WDFY4: variants seen among roughly 807,000 people sequenced by gnomAD.
WDFY4 encodes the protein WDFY family member 4, also known as WD repeat- and FYVE domain-containing protein 4.
Under a neutral mutation model 351.9 loss-of-function variants are expected in WDFY4, and 169 were observed. The ratio of observed to expected loss-of-function variants is 0.48; its 90% CI spans 0.42 to 0.55. The LOEUF is 0.55. Ranked by LOEUF, WDFY4 falls within the 20% of genes least tolerant of loss-of-function variation. The pLI, the probability that WDFY4 is intolerant of heterozygous loss-of-function variation, is 0.00. For synonymous variants in WDFY4, 1,622 were observed against 1,574.6 expected (o/e 1.03, Z -0.71); for missense variants, 3,803 against 3,935.6 (o/e 0.97, Z 0.90).
chr10:48,812,249 G>A (rs1431379621), intron 30 of WDFY4, among the ~76,000 whole-genome samples: 3 of 147,542 alleles, frequency 2.0e-5, no homozygotes, highest in Non-Finnish European at 4.4e-5. Flanking sequence ...GAGTGCAGTG[G>A]CGTGATCTCG....
intron 39 of WDFY4, among the ~76,000 whole-genome samples, chr10:48,859,662 C>T (rs952250500): frequency 1.3e-5 from 2 of 152,140 alleles, no homozygotes; most frequent in Non-Finnish European, 2.9e-5. Context: ...AAATAGTTTT[C>T]TCTTTTTTCG....
chr10:48,849,038 T>C (rs1458326798), intron 39 of WDFY4, among the ~76,000 whole-genome samples: 1 of 152,136 alleles, frequency 6.6e-6, no homozygotes, highest in Non-Finnish European at 1.5e-5. Flanking sequence ...CTGCCCTCCA[T>C]GCATGGGGGA....
intron 40 of WDFY4, among the ~76,000 whole-genome samples, chr10:48,869,092 G>T (rs994425975): frequency 6.6e-6 from 1 of 152,234 alleles, no homozygotes; most frequent in African/African-American, 2.4e-5. Context: ...ATTTAAGTCA[G>T]GTTGTTTTGA....
intron 59 of WDFY4, among the ~76,000 whole-genome samples, 200 bp from the exon 60 acceptor site, chr10:48,978,109 A>G (rs1033754207): frequency 4.6e-5 from 7 of 152,182 alleles, no homozygotes; most frequent in Non-Finnish European, 1.0e-4. Context: ...TGCAACTGTG[A>G]TTGGCCAAAC....
chr10:48,908,983 A>C (rs1444321248), intron 47 of WDFY4, among the ~76,000 whole-genome samples: 1 of 152,076 alleles, frequency 6.6e-6, no homozygotes, highest in Non-Finnish European at 1.5e-5. Context: ...TTATTTTTTC[A>C]TTTACAGACT....
At chr10:48,731,583 A>T (rs2064461882) in intron 9 of WDFY4, 21 bp downstream of exon 9, 1 of 1,540,288 alleles carries the variant, frequency 6.5e-7, no homozygotes, top group Non-Finnish European at 8.7e-7. Flanking sequence ...GTGCATTGGG[A>T]GGGATGGGCA....
chr10:48,945,935 C>A, intron 49 of WDFY4, 105 bp from the exon 50 acceptor site: 2 of 785,498 alleles, frequency 2.5e-6, no homozygotes, highest in Non-Finnish European at 3.9e-6. Context: ...CAGGTCAGAC[C>A]AAATGACTGT....
rs181821593 is a variant in WDFY4, at chr10:48,734,007, A to T, written c.1659A>T (p.Thr553=). 6.4e-7 allele frequency: 1 copy of T among 1,552,042 alleles called. No homozygotes were observed. The highest frequency in any genetic ancestry group is 2.4e-5 in the East Asian group (1 of 40,914). Residue 553 remains threonine, a synonymous_variant, in exon 10 of 62, where the codon ACA becomes ACT. Coordinates refer to ENST00000325239, the MANE Select transcript of WDFY4 (RefSeq NM_001394531.1). ...GTGTGATGCTGAGGATTGTAGTCAC[A>T]CTTCTGAAAGGCTCGGTGAGGAATG... ...LTCVMLRIVV[T]LLKGSVRNAV... is the part of the protein sequence containing the mutation.
chr10:48,958,044 G>C (rs1160417987), intron 52 of WDFY4, among the ~76,000 whole-genome samples: 1 of 152,174 alleles, frequency 6.6e-6, no homozygotes, highest in African/African-American at 2.4e-5. Flanking sequence ...TCGGGCTCTA[G>C]AGCCCCCCCT....
chr10:48,812,390 A>C (rs2067484557), intron 30 of WDFY4, among the ~76,000 whole-genome samples: 1 of 151,804 alleles, frequency 6.6e-6, no homozygotes, highest in South Asian at 2.1e-4. Flanking sequence ...GGGATTTTCC[A>C]AGTTGGCCAG....
At chr10:48,901,894 T>C in intron 47 of WDFY4, 31 bp downstream of exon 47, 1 of 1,541,704 alleles carries the variant, frequency 6.5e-7, no homozygotes, top group Non-Finnish European at 8.8e-7. Context: ...TGTCTGGGCA[T>C]GGCACTGCCC....
Position 48,721,347 on chromosome 10 carries a change from G to A in WDFY4, c.436G>A (p.Val146Met), listed in dbSNP as rs372272087. ...DGYLLLKSVY[V>M]LTGTDSETLG... is the part of the protein sequence containing the mutation. Reference sequence around the variant, plus strand: ...CTACTTGCTCCTGAAGTCAGTGTACGTGCTCACGGGGACAGACTCGGTAAG... The same window carrying A: ...CTACTTGCTCCTGAAGTCAGTGTACATGCTCACGGGGACAGACTCGGTAAG... The change falls in exon 4 of 62, where the codon GTG becomes ATG. Residue 146 changes from valine (V) to methionine (M), a missense_variant. Coordinates refer to ENST00000325239, the MANE Select transcript of WDFY4 (RefSeq NM_001394531.1). 7.0e-4 allele frequency: 1,087 copies of A among 1,551,550 alleles called. No individual in the cohort carries two copies. Among genetic ancestry groups the A allele is most frequent in the Non-Finnish European group, 8.9e-4 (1,022 of 1,146,970 alleles).
chr10:48,863,596 G>A (rs1390848204), intron 39 of WDFY4, among the ~76,000 whole-genome samples: 1 of 151,968 alleles, frequency 6.6e-6, no homozygotes, highest in African/African-American at 2.4e-5. Flanking sequence ...TTCTAGATAT[G>A]AGTCCCTTAT....
Position 48,830,755 on chromosome 10 carries a change from A to G in WDFY4, c.6396A>G (p.Gln2132=), listed in dbSNP as rs3747874. The change falls in exon 38 of 62, where the codon CAA becomes CAG. Residue 2132 remains glutamine (Q), a synonymous_variant. Coordinates refer to ENST00000325239, the MANE Select transcript of WDFY4 (RefSeq NM_001394531.1). ...VQTLWQQLVA[Q]RQQTLEDAFK... Reference sequence around the variant, plus strand: ...CTCTCTGGCAGCAGCTGGTGGCACAAAGGCAGCAGACCCTGGAGGATGCCT... The same window carrying G: ...CTCTCTGGCAGCAGCTGGTGGCACAGAGGCAGCAGACCCTGGAGGATGCCT... The G allele has an allele frequency of 0.52, 812,648 of 1,551,436 alleles. 217,961 individuals carry two copies. Among genetic ancestry groups the G allele is most frequent in the East Asian group, 0.85 (34,845 of 40,898 alleles).
At chr10:48,870,555 T>C (rs1430869218) in intron 40 of WDFY4, among the ~76,000 whole-genome samples, 2 of 131,934 alleles carry the variant, frequency 1.5e-5, no homozygotes, top group Non-Finnish European at 3.1e-5. Context: ...ACCTTGTCTC[T>C]GAAAAAAAAA....
chr10:48,876,961 C>T, intron 42 of WDFY4, 72 bp from the exon 43 acceptor site: 1 of 1,386,742 alleles, frequency 7.2e-7, no homozygotes, highest in Non-Finnish European at 9.5e-7. Flanking sequence ...GATGTAGGCA[C>T]ATGCTGTGCA....
At chr10:48,904,467 T>C (rs767853859) in intron 47 of WDFY4, among the ~76,000 whole-genome samples, 1 of 152,164 alleles carries the variant, frequency 6.6e-6, no homozygotes, top group Non-Finnish European at 1.5e-5. Flanking sequence ...GGATTCATGA[T>C]AGCATCTACC....
chr10:48,719,946 C>A, intron 2 of WDFY4, 65 bp from the exon 3 acceptor site: 17 of 1,405,622 alleles, frequency 1.2e-5, no homozygotes, highest in Non-Finnish European at 1.6e-5. Flanking sequence ...GGTGGCATGG[C>A]AGGCAGTGCT....
At position 48,982,469 on chromosome 10, in the gene WDFY4, T is replaced by C. The variant is rs1476177511; in HGVS notation, c.9489-40T>C. The C allele has an allele frequency of 4.8e-6, 7 of 1,464,156 alleles. No homozygotes were observed. In the African/African-American group the frequency reaches 1.0e-4, roughly 21 times the overall value. The allele number at this position is 1,464,156 out of a possible 1,614,324, so 90.7% of individuals were successfully genotyped here. On this transcript the variant is annotated intron_variant, in intron 61 of 61. Coordinates refer to ENST00000325239, the MANE Select transcript of WDFY4 (RefSeq NM_001394531.1). ...ATGTGCTGGCGGGGACAAGTGGTACTGTCCCTCTAACGTTCTTGTCTTTTC... is the reference window on the plus strand; with the variant it reads ...ATGTGCTGGCGGGGACAAGTGGTACCGTCCCTCTAACGTTCTTGTCTTTTC...
Sources: gnomAD v4.1 joint callset for allele counts (sites outside exome capture counted in the v4.1 genomes callset) on GRCh38, gnomAD v4.1.1 for gene constraint, MANE v1.5 for transcripts, NCBI Gene and HGNC (gene_info 2026-07-23, HGNC 2026-07-21) for gene names.